The following PLPPR1 variants were observed in gnomAD, a reference collection of about 807,000 sequenced individuals.
The protein encoded by PLPPR1 is phospholipid phosphatase related 1, also known as phospholipid phosphatase-related protein type 1.
PLPPR1 carries 10 observed loss-of-function variants against 33.1 expected under a neutral mutation model. The ratio of observed to expected loss-of-function variants is 0.30; its 90% CI spans 0.19 to 0.51. PLPPR1 has a LOEUF of 0.51. Among genes scored for constraint, PLPPR1 ranks in the 20% least tolerant of loss-of-function variants. The pLI, the probability that PLPPR1 is intolerant of heterozygous loss-of-function variation, is 0.97. For missense variants in PLPPR1, 304 were observed against 408.1 expected (o/e 0.74, Z 2.20); for synonymous variants, 151 against 151.0 (o/e 1.00, Z 0.00).
At chr9:101,051,337 T>C (rs1292517104) in intron 1 of PLPPR1, among the ~76,000 whole-genome samples, 3 of 152,084 alleles carry the variant, frequency 2.0e-5, no homozygotes, top group Non-Finnish European at 4.4e-5. Flanking sequence ...CTCTTGCTAA[T>C]CATTATTGCC....
At chr9:101,204,512 C>T (rs187895255) in intron 2 of PLPPR1, among the ~76,000 whole-genome samples, 3 of 152,232 alleles carry the variant, frequency 2.0e-5, no homozygotes, top group South Asian at 2.1e-4. Context: ...TAAGTTCCAG[C>T]CAGCCATATT....
At chr9:101,256,247 A>T (rs1010657101) in intron 2 of PLPPR1, among the ~76,000 whole-genome samples, 23 of 152,082 alleles carry the variant, frequency 1.5e-4, no homozygotes, top group Admixed American at 6.5e-4. Flanking sequence ...TGTGTTTTAC[A>T]TAATAATTGA....
intron 1 of PLPPR1, among the ~76,000 whole-genome samples, chr9:101,102,090 C>G (rs1198174859): frequency 9.9e-6 from 1 of 100,554 alleles, no homozygotes; most frequent in Non-Finnish European, 1.9e-5. Flanking sequence ...AAGGTAGGAA[C>G]AACTTTTTTT....
intron 1 of PLPPR1, among the ~76,000 whole-genome samples, chr9:101,159,750 A>G (rs1474862038): frequency 1.3e-5 from 2 of 152,230 alleles, no homozygotes; most frequent in East Asian, 1.9e-4. Flanking sequence ...AAATGAGCGC[A>G]AAGGGATATT....
intron 2 of PLPPR1, among the ~76,000 whole-genome samples, chr9:101,221,258 C>T (rs895488972): frequency 2.6e-5 from 4 of 151,664 alleles, no homozygotes; most frequent in African/African-American, 9.7e-5. Context: ...ACTCTTCCCC[C>T]CAAGTCTCCA....
At chr9:101,204,266 C>T (rs1356322127) in intron 2 of PLPPR1, among the ~76,000 whole-genome samples, 1 of 152,134 alleles carries the variant, frequency 6.6e-6, no homozygotes, top group African/African-American at 2.4e-5. Flanking sequence ...CTGCCCCAAC[C>T]TCTATTTCCT....
intron 1 of PLPPR1, among the ~76,000 whole-genome samples, chr9:101,077,461 TGTTATGCATTCAAATA>T (rs1253970796): frequency 2.2e-4 from 33 of 152,364 alleles, no homozygotes; most frequent in Middle Eastern, 3.4e-3. Context: ...TTAGTGGGTA[TGTTATGCATTCAAATA>T]GTTATGCATT....
At chr9:101,082,544 C>A (rs542526039) in intron 1 of PLPPR1, among the ~76,000 whole-genome samples, 2 of 152,238 alleles carry the variant, frequency 1.3e-5, no homozygotes, top group East Asian at 1.9e-4. Context: ...CTTTGCCATG[C>A]ATTAAACTGG....
chr9:101,263,240 A>C (rs1827932238), intron 2 of PLPPR1, among the ~76,000 whole-genome samples: 1 of 152,204 alleles, frequency 6.6e-6, no homozygotes, highest in Non-Finnish European at 1.5e-5. Context: ...GTTTACAAGA[A>C]CCCAAAGGAA....
chr9:101,237,979 C>CTATATATATATATATATATA (rs367867610), intron 2 of PLPPR1, among the ~76,000 whole-genome samples: 73 of 79,392 alleles, frequency 9.2e-4, no homozygotes, highest in African/African-American at 2.6e-3. Context: ...GCTATATAGC[C>CTATATATATATATATATATA]TATATATATA....
At chr9:101,051,319 C>G (rs1013890394) in intron 1 of PLPPR1, among the ~76,000 whole-genome samples, 2 of 152,054 alleles carry the variant, frequency 1.3e-5, no homozygotes, top group South Asian at 2.1e-4. Flanking sequence ...CTCTCTCTCT[C>G]TGTCTCTCTC....
At chr9:101,095,549 A>T (rs1444000040) in intron 1 of PLPPR1, among the ~76,000 whole-genome samples, 4 of 152,156 alleles carry the variant, frequency 2.6e-5, no homozygotes, top group Non-Finnish European at 5.9e-5. Flanking sequence ...ATCCTTTTTT[A>T]AAAGCTAAAC....
intron 1 of PLPPR1, among the ~76,000 whole-genome samples, chr9:101,130,711 T>G (rs1215482906): frequency 3.3e-5 from 5 of 152,224 alleles, no homozygotes; most frequent in African/African-American, 1.2e-4. Flanking sequence ...GGCGCTTATC[T>G]TCTCCATTCT....
chr9:101,116,490 G>A (rs977786910), intron 1 of PLPPR1, among the ~76,000 whole-genome samples: 1 of 152,166 alleles, frequency 6.6e-6, no homozygotes, highest in Non-Finnish European at 1.5e-5. Context: ...ACTGTTGTGG[G>A]ATATATTGCT....
At chr9:101,075,763 C>T (rs1467437603) in intron 1 of PLPPR1, among the ~76,000 whole-genome samples, 3 of 152,100 alleles carry the variant, frequency 2.0e-5, no homozygotes, top group Non-Finnish European at 2.9e-5. Context: ...TTAATGATAG[C>T]GTACCTTCAG....
In PLPPR1 at chr9:101,049,711, C is replaced by A. The variant is rs573189196; in HGVS notation, c.-46+20609C>A. Among the ~76,000 whole-genome samples, 4 of 151,790 alleles carry A rather than the reference C, an allele frequency of 2.6e-5. No individual in the cohort carries two copies. The South Asian group carries it at 8.3e-4, about 32-fold the overall frequency. The stretch of plus-strand genomic sequence containing the variant: ...ATGACTATGGTATACTCTTTTTCAA[C>A]ATATGGAGTAATGGGTATTGTAAAA... On this transcript the variant is annotated intron_variant, in intron 1 of 7. Coordinates refer to ENST00000374874, the MANE Select transcript of PLPPR1 (RefSeq NM_207299.2).
At chr9:101,255,645 T>A (rs1191884380) in intron 2 of PLPPR1, among the ~76,000 whole-genome samples, 2 of 152,182 alleles carry the variant, frequency 1.3e-5, no homozygotes, top group African/African-American at 4.8e-5. Flanking sequence ...AAGAAATGCA[T>A]CTTACTCCAA....
chr9:101,135,015 C>G (rs978878986), intron 1 of PLPPR1, among the ~76,000 whole-genome samples: 2 of 152,132 alleles, frequency 1.3e-5, no homozygotes, highest in African/African-American at 4.8e-5. Flanking sequence ...AAAACTATTT[C>G]TCTGTGTCAT....
At chr9:101,261,998 G>A (rs553260658) in intron 2 of PLPPR1, among the ~76,000 whole-genome samples, 1 of 151,514 alleles carries the variant, frequency 6.6e-6, no homozygotes, top group Non-Finnish European at 1.5e-5. Flanking sequence ...AAAAAAAAAA[G>A]ATATAGCTCT....
Sources: allele counts gnomAD v4.1 joint callset (sites outside exome capture counted in the v4.1 genomes callset), GRCh38; gene constraint gnomAD v4.1.1; transcripts MANE v1.5; gene names NCBI Gene and HGNC (gene_info 2026-07-23, HGNC 2026-07-21).